ABL1: variants seen among roughly 807,000 people sequenced by gnomAD.
ABL1 encodes the protein ABL proto-oncogene 1, non-receptor tyrosine kinase.
ABL1 carries 11 observed loss-of-function variants against 94.7 expected under a neutral mutation model. The observed-to-expected ratio is 0.12, with a 90% confidence interval of 0.07 to 0.19. ABL1 has a LOEUF of 0.19. Ranked by LOEUF, ABL1 falls within the 10% of genes least tolerant of loss-of-function variation. The pLI, the probability that ABL1 is intolerant of heterozygous loss-of-function variation, is 1.00. For synonymous variants in ABL1, 656 were observed against 622.4 expected, an observed-to-expected ratio of 1.05 and a Z score of -0.80; for missense variants, 1,082 against 1,489.4, an observed-to-expected ratio of 0.73 and a Z score of 4.50.
chr9:130,776,128 G>A (rs1333653768), intron 1 of ABL1, among the ~76,000 whole-genome samples: 2 of 152,202 alleles, frequency 1.3e-5, no homozygotes, highest in African/African-American at 2.4e-5. Flanking sequence ...AGAATAGTGA[G>A]GGAAAAGAAA....
At chr9:130,826,812 C>T (rs557907687) in intron 1 of ABL1, among the ~76,000 whole-genome samples, 23 of 152,340 alleles carry the variant, frequency 1.5e-4, no homozygotes, top group African/African-American at 5.1e-4. Flanking sequence ...GGCGCGGTGG[C>T]TCACGCCTGT....
Position 130,874,849 on chromosome 9 carries a change from G to A in ABL1, c.1086-19G>A. ...AGGTTGGCCAGGAGCTCTCATGGGT[G>A]AACATTTTCCTTTCTTAGAGATCTT... On this transcript the variant is annotated intron_variant, in intron 6 of 10. Coordinates refer to ENST00000318560, the MANE Select transcript of ABL1 (RefSeq NM_005157.6). 2 of 1,613,676 alleles carry A rather than the reference G, an allele frequency of 1.2e-6. No individual in the cohort carries two copies. Among genetic ancestry groups the A allele is most frequent in the South Asian group, 1.1e-5 (1 of 90,988 alleles).
At position 130,872,729 on chromosome 9, in the gene ABL1, G is replaced by A; in HGVS notation, c.908-131G>A. ...ACAGTCTCAGGATGCAGGTGCTTGGGACCATGTTGGAAGTTGGGCCCAGGA... is the reference window on the plus strand; with the variant it reads ...ACAGTCTCAGGATGCAGGTGCTTGGAACCATGTTGGAAGTTGGGCCCAGGA... On this transcript the variant is annotated intron_variant, in intron 5 of 10. Transcript: ENST00000318560. This position sits in a 1 kb window ranked among gnomAD's most constrained non-coding sequence, Gnocchi z 5.0. 2.3e-6 allele frequency: 2 copies of A among 865,820 alleles called. No homozygotes were observed. The highest frequency in any genetic ancestry group is 2.6e-5 in the East Asian group (1 of 38,544). The allele number at this position is 865,820 out of a possible 1,614,324, so 53.6% of individuals were successfully genotyped here. A position where few individuals can be genotyped will look rare whatever the true frequency, so the allele number is the denominator to read the frequency against.
At chr9:130,874,772 T>A in intron 6 of ABL1, 96 bp from the exon 7 acceptor site, 1 of 1,318,404 alleles carries the variant, frequency 7.6e-7, no homozygotes, top group South Asian at 1.3e-5. Context: ...ACTCAATCTT[T>A]CCATTGTCAG....
intron 1 of ABL1, chr9:130,724,746 TTAAAAAAAAA>T: frequency 5.2e-6 from 2 of 383,454 alleles, no homozygotes; most frequent in Middle Eastern, 1.0e-3. Context: ...AACCCTGTCT[TTAAAAAAAAA>T]AAAAAAAAAA....
At chr9:130,857,022 T>A (rs982986299) in intron 3 of ABL1, among the ~76,000 whole-genome samples, 1 of 152,220 alleles carries the variant, frequency 6.6e-6, no homozygotes, top group Non-Finnish European at 1.5e-5. Context: ...ATAACAAAAG[T>A]TTCATGAAGT....
chr9:130,819,853 CTT>C (rs777754388), intron 1 of ABL1, among the ~76,000 whole-genome samples: 75 of 142,778 alleles, frequency 5.3e-4, no homozygotes, highest in Middle Eastern at 3.6e-3. Flanking sequence ...AAAATACCTA[CTT>C]TTTTTTTTTT....
intron 1 of ABL1, among the ~76,000 whole-genome samples, chr9:130,826,890 A>G (rs1588254872): frequency 6.6e-6 from 1 of 152,232 alleles, no homozygotes; most frequent in East Asian, 1.9e-4. Context: ...CATCCTGGCT[A>G]ATGTGGTGAA....
At chr9:130,817,752 T>A (rs1830307724) in intron 1 of ABL1, among the ~76,000 whole-genome samples, 1 of 152,230 alleles carries the variant, frequency 6.6e-6, no homozygotes, top group South Asian at 2.1e-4. Flanking sequence ...GATCCATATG[T>A]GTCGCTGCAT....
upstream of ABL1, chr9:130,835,051 C>G (rs1284436814): frequency 2.5e-5 from 8 of 324,210 alleles, no homozygotes; most frequent in Non-Finnish European, 4.3e-5. The surrounding 1 kb of genome is among the most constrained non-coding windows in gnomAD (Gnocchi z 4.6). Flanking sequence ...AGAAAGACCT[C>G]CGCGGGCCGC....
chr9:130,802,693 G>A (rs1830071943), intron 1 of ABL1, among the ~76,000 whole-genome samples: 1 of 152,130 alleles, frequency 6.6e-6, no homozygotes, highest in African/African-American at 2.4e-5. Flanking sequence ...CCAGCATTTT[G>A]TTGATCTGCA....
chr9:130,714,251 C>T (rs1401245605), exon 1 of ABL1: 2 of 1,470,672 alleles, frequency 1.4e-6, no homozygotes, highest in South Asian at 1.4e-5. Context: ...TGCCATTTCC[C>T]TCTACGCTCG....
intron 1 of ABL1, among the ~76,000 whole-genome samples, chr9:130,748,252 C>G (rs1038231940): frequency 6.6e-6 from 1 of 152,126 alleles, no homozygotes; most frequent in African/African-American, 2.4e-5. Flanking sequence ...GAAAGAAGAA[C>G]ATTGCTGTCT....
In ABL1 at chr9:130,885,492, G is replaced by C. The variant is rs749413196; in HGVS notation, c.3202G>C (p.Val1068Leu). The change falls in exon 11 of 11, where the codon GTG becomes CTG. Residue 1068 changes from valine (V) to leucine (L), a missense_variant. Val to Leu is a conservative substitution (Grantham distance 32). This residue lies in a region of ABL1 where 780 missense variants were observed against 835.8 expected (regional missense o/e 0.93). Transcript: ENST00000318560. ...CGGCAAAAACCTCTACACGTTCTGC[G>C]TGAGCTATGTGGATTCCATCCAGCA... ...EAGKNLYTFC[V>L]SYVDSIQQMR... The C allele has an allele frequency of 6.2e-7, 1 of 1,614,134 alleles. No homozygotes were observed. Among genetic ancestry groups the C allele is most frequent in the East Asian group, 2.2e-5 (1 of 44,878 alleles).
In ABL1 at chr9:130,886,016, A is replaced by G. The variant is rs1376722763; in HGVS notation, c.*333A>G. 4 of 331,920 alleles carry G rather than the reference A, an allele frequency of 1.2e-5. No individual in the cohort carries two copies. The highest frequency in any genetic ancestry group is 2.2e-5 in the Non-Finnish European group (4 of 181,120). 20.6% of individuals were successfully genotyped at this position (331,920 alleles called of 1,614,324 possible). A position where few individuals can be genotyped will look rare whatever the true frequency, so the allele number is the denominator to read the frequency against. On this transcript the variant is annotated 3_prime_UTR_variant, in exon 11 of 11. Coordinates refer to ENST00000318560, the MANE Select transcript of ABL1 (RefSeq NM_005157.6). ...GACTGAGCTCTCCAGGCCAGGTGGGAACGGCTGATGTGGACTGTCTTTTTC... is the reference window on the plus strand; with the variant it reads ...GACTGAGCTCTCCAGGCCAGGTGGGGACGGCTGATGTGGACTGTCTTTTTC...
Position 130,880,216 on chromosome 9 carries a change from C to A in ABL1, c.1513+59C>A. 1 of 1,524,762 alleles carries A rather than the reference C, an allele frequency of 6.6e-7. No individual in the cohort carries two copies. Among genetic ancestry groups the A allele is most frequent in the Non-Finnish European group, 9.1e-7 (1 of 1,099,174 alleles). The allele number at this position is 1,524,762 out of a possible 1,614,324, so 94.5% of individuals were successfully genotyped here. On this transcript the variant is annotated intron_variant, in intron 9 of 10. Transcript: ENST00000318560. This position sits in a 1 kb window ranked among gnomAD's most constrained non-coding sequence, Gnocchi z 4.4. ...GTGAAAGGGCAGCCATGTGGGACTG[C>A]AGCCTGGGTCATTCGGTTCACTTCC...
intron 1 of ABL1, among the ~76,000 whole-genome samples, chr9:130,809,920 A>G (rs1204293373): frequency 6.6e-6 from 1 of 152,230 alleles, no homozygotes; most frequent in Non-Finnish European, 1.5e-5. Flanking sequence ...CTTGCTTAGC[A>G]AAGGTTAAGA....
exon 1 of ABL1, among the ~76,000 whole-genome samples, chr9:130,713,320 C>T (rs547969629): frequency 2.4e-4 from 36 of 152,340 alleles, no homozygotes; most frequent in African/African-American, 8.7e-4. Flanking sequence ...GCCCGCCTTC[C>T]GCTGTCTGGG....
chr9:130,721,852 T>C, intron 1 of ABL1, among the ~76,000 whole-genome samples: 2 of 148,286 alleles, frequency 1.3e-5, no homozygotes, highest in Admixed American at 1.4e-4. Context: ...GACAGAGCCT[T>C]GCTCTGTTGC....
Sources: gnomAD v4.1 joint callset for allele counts (sites outside exome capture counted in the v4.1 genomes callset) on GRCh38, gnomAD v4.1.1 for gene constraint, gnomAD v4.1.1 regional missense constraint, Gnocchi (gnomAD v3.1) non-coding constraint, MANE v1.5 for transcripts, NCBI Gene and HGNC (gene_info 2026-07-23, HGNC 2026-07-21) for gene names.